TRA2A: variants seen among roughly 807,000 people sequenced by gnomAD.
The protein encoded by TRA2A is transformer 2 alpha homolog.
A neutral mutation model predicts 45.7 loss-of-function variants in TRA2A; 31 were observed. The observed-to-expected ratio is 0.68, with a 90% CI of 0.51 to 0.92. TRA2A has a LOEUF of 0.92. TRA2A is among the 40% of genes least tolerant of loss of function. TRA2A has a pLI of 0.00. For missense variants in TRA2A, 304 were observed against 367.5 expected (o/e 0.83, Z 1.41); for synonymous variants, 132 against 126.2 (o/e 1.05, Z -0.31).
chr7:23,516,875 C>T (rs906784662), intron 2 of TRA2A, among the ~76,000 whole-genome samples: 6 of 151,750 alleles, frequency 4.0e-5, no homozygotes, highest in Non-Finnish European at 7.4e-5. Flanking sequence ...TTTGGGAGGC[C>T]GACGCGAGCA....
chr7:23,524,814 C>T (rs565171040), intron 1 of TRA2A, among the ~76,000 whole-genome samples: 34 of 152,102 alleles, frequency 2.2e-4, no homozygotes, highest in African/African-American at 8.2e-4. Context: ...GCCTTAGCCT[C>T]CTGAGTAGCT....
chr7:23,528,746 C>A (rs1790444521), intron 1 of TRA2A, among the ~76,000 whole-genome samples: 1 of 151,704 alleles, frequency 6.6e-6, no homozygotes. Flanking sequence ...CGGCTCACTG[C>A]AACCTCTGCC....
At chr7:23,513,390 G>A (rs1789713342) in intron 3 of TRA2A, among the ~76,000 whole-genome samples, 2 of 152,152 alleles carry the variant, frequency 1.3e-5, no homozygotes, top group African/African-American at 4.8e-5. Flanking sequence ...GGCTGAGGTG[G>A]GTGGATCACC....
chr7:23,515,971 T>C (rs1183881019), intron 3 of TRA2A, among the ~76,000 whole-genome samples: 1 of 151,840 alleles, frequency 6.6e-6, no homozygotes, highest in Non-Finnish European at 1.5e-5. Context: ...GGTCAGGAGT[T>C]TGAGACCAGA....
chr7:23,521,465 T>C lies in TRA2A; in HGVS notation c.170+242A>G, dbSNP rs115786392. Among the ~76,000 whole-genome samples, 499 of 152,292 alleles carry C rather than the reference T, an allele frequency of 3.3e-3. 3 individuals carry two copies. Among genetic ancestry groups the C allele is most frequent in the African/African-American group, 0.011 (477 of 41,568 alleles). On this transcript the variant is annotated intron_variant, in intron 2 of 7. Coordinates refer to ENST00000297071, the MANE Select transcript of TRA2A (RefSeq NM_013293.5). ...TATTGATTTCTTATTTTTTCAGAGA[T>C]AGGGTCTCCCTGGCACCCAGGCTGT...
chr7:23,520,852 C>T (rs1436302595), intron 2 of TRA2A, among the ~76,000 whole-genome samples: 1 of 151,994 alleles, frequency 6.6e-6, no homozygotes, highest in Non-Finnish European at 1.5e-5. Flanking sequence ...GCCACCCCGC[C>T]CAGCTAATTT....
At chr7:23,528,145 T>C (rs1207224284) in intron 1 of TRA2A, among the ~76,000 whole-genome samples, 2 of 152,204 alleles carry the variant, frequency 1.3e-5, no homozygotes, top group East Asian at 1.9e-4. Context: ...TGCTATGACA[T>C]CTCTCACATT....
chr7:23,517,715 C>T (rs987112767), intron 2 of TRA2A, among the ~76,000 whole-genome samples: 2 of 150,996 alleles, frequency 1.3e-5, no homozygotes, highest in African/African-American at 4.8e-5. Flanking sequence ...AGATCGAGAC[C>T]ATCCTCGCCA....
chr7:23,523,712 A>G (rs1790228789), intron 1 of TRA2A, among the ~76,000 whole-genome samples: 2 of 152,178 alleles, frequency 1.3e-5, no homozygotes, highest in South Asian at 4.1e-4. Flanking sequence ...GATACTCTAA[A>G]CCACTCAACA....
chr7:23,528,439 C>A (rs1790429758), intron 1 of TRA2A, among the ~76,000 whole-genome samples: 1 of 152,106 alleles, frequency 6.6e-6, no homozygotes, highest in African/African-American at 2.4e-5. Context: ...ATCTCTTGAC[C>A]TTGTGATCCG....
At chr7:23,522,985 T>A (rs1021539998) in intron 1 of TRA2A, among the ~76,000 whole-genome samples, 1 of 152,186 alleles carries the variant, frequency 6.6e-6, no homozygotes, top group Non-Finnish European at 1.5e-5. Context: ...CTATCTTTGC[T>A]CATTCTGACT....
At chr7:23,510,722 A>G (rs993834437) in intron 4 of TRA2A, among the ~76,000 whole-genome samples, 2 of 152,216 alleles carry the variant, frequency 1.3e-5, no homozygotes, top group African/African-American at 2.4e-5. Context: ...TAAAAAAATT[A>G]CACTGTTCTG....
chr7:23,526,529 T>C lies in TRA2A; in HGVS notation c.37-4689A>G, dbSNP rs148800307. ...AAATACCTTACAATATTCATTTTAC[T>C]ACTTACTAAAGAACTTCTTTAGGAG... On this transcript the variant is annotated intron_variant, in intron 1 of 7. Transcript: ENST00000297071. Among the ~76,000 whole-genome samples the C allele has an allele frequency of 5.7e-3, 874 of 152,330 alleles. 12 individuals are homozygous for C. Among genetic ancestry groups the C allele is most frequent in the African/African-American group, 0.02 (837 of 41,576 alleles).
At chr7:23,524,208 G>T (rs900030530) in intron 1 of TRA2A, among the ~76,000 whole-genome samples, 2 of 152,060 alleles carry the variant, frequency 1.3e-5, no homozygotes, top group Admixed American at 6.6e-5. Flanking sequence ...TAAGAAGGAG[G>T]AGTCTCATTC....
chr7:23,514,604 T>C (rs980296680), intron 3 of TRA2A, among the ~76,000 whole-genome samples: 1 of 152,148 alleles, frequency 6.6e-6, no homozygotes, highest in Non-Finnish European at 1.5e-5. Context: ...TTCTTTCTTT[T>C]TTTTTTCTGA....
At chr7:23,517,739 C>T (rs1789951072) in intron 2 of TRA2A, among the ~76,000 whole-genome samples, 1 of 150,776 alleles carries the variant, frequency 6.6e-6, no homozygotes, top group Non-Finnish European at 1.5e-5. Flanking sequence ...TGGTAAAACC[C>T]TGTCTCTACT....
intron 1 of TRA2A, among the ~76,000 whole-genome samples, chr7:23,528,304 G>A (rs945827057): frequency 2.6e-5 from 4 of 152,218 alleles, no homozygotes; most frequent in African/African-American, 9.6e-5. Flanking sequence ...CGCCTCCCGG[G>A]TTCAAGTGAT....
Sources: gnomAD v4.1 joint callset for allele counts (sites outside exome capture counted in the v4.1 genomes callset) on GRCh38, gnomAD v4.1.1 for gene constraint, MANE v1.5 for transcripts, NCBI Gene and HGNC (gene_info 2026-07-23, HGNC 2026-07-21) for gene names.